TJP2: variants seen among roughly 807,000 people sequenced by gnomAD.
TJP2 encodes the protein tight junction protein 2.
Under a neutral mutation model 133.1 loss-of-function variants are expected in TJP2, and 91 were observed. That is an observed-to-expected ratio of 0.68 (90% CI 0.58 to 0.81). TJP2 has a LOEUF of 0.81. TJP2 is among the 40% of genes least tolerant of loss of function. The pLI, the probability that TJP2 is intolerant of heterozygous loss-of-function variation, is 0.00. For missense variants in TJP2, 1,541 were observed against 1,565.6 expected (o/e 0.98, Z 0.26); for synonymous variants, 592 against 583.4 (o/e 1.01, Z -0.21).
In TJP2 at chr9:69,239,821, TAAAC is replaced by T. The variant is rs56355642; in HGVS notation, c.2356-101_2356-98del. ...AGAGCAAGAATCTATCCCAAATAAGTAAACAAACAAACAAACAAGATATATCTCA... is the reference window on the plus strand; with the variant it reads ...AGAGCAAGAATCTATCCCAAATAAGTAAACAAACAAACAAGATATATCTCA... On this transcript the variant is annotated intron_variant, in intron 16 of 22. Transcript: ENST00000377245. The T allele has an allele frequency of 0.63, 585,855 of 929,210 alleles. 187,209 individuals are homozygous for T. Among genetic ancestry groups the T allele is most frequent in the Admixed American group, 0.72 (35,550 of 49,448 alleles). 57.6% of individuals were successfully genotyped at this position (929,210 alleles called of 1,614,324 possible). A position where few individuals can be genotyped will look rare whatever the true frequency, so the allele number is the denominator to read the frequency against.
Position 69,236,039 on chromosome 9 carries a change from A to C in TJP2, c.1792A>C (p.Ile598Leu). The change falls in exon 13 of 23, where the codon ATC becomes CTC. Residue 598 changes from isoleucine to leucine, a missense_variant. Ile to Leu is a conservative substitution (Grantham distance 5). Coordinates refer to ENST00000377245, the MANE Select transcript of TJP2 (RefSeq NM_004817.4). ...AQSRADVYRD[I>L]LACGRGDSFF... ...CTTTTGTCTTTCAGTGTATAGAGAC[A>C]TCCTGGCTTGTGGCAGAGGGGATTC... is the stretch of plus-strand genomic sequence containing the variant. 6.2e-7 allele frequency: 1 copy of C among 1,614,190 alleles called. No homozygotes were observed.
chr9:69,216,096 T>C lies in TJP2; in HGVS notation c.115-243T>C, dbSNP rs182032700. ...GGCCAGCTTCTAGTGATAACTCCAG[T>C]CTGCACTATCAATCTTTTCCAGCCT... is the stretch of plus-strand genomic sequence containing the variant. On this transcript the variant is annotated intron_variant, in intron 2 of 22. Transcript: ENST00000377245. Among the ~76,000 whole-genome samples, 972 of 152,310 alleles carry C rather than the reference T, an allele frequency of 6.4e-3. 9 individuals carry two copies. Among genetic ancestry groups the C allele is most frequent in the Non-Finnish European group, 9.9e-3 (672 of 68,026 alleles).
chr9:69,187,964 A>C (rs749397750), intron 1 of TJP2, among the ~76,000 whole-genome samples: 2 of 152,178 alleles, frequency 1.3e-5, no homozygotes, highest in Non-Finnish European at 2.9e-5. Context: ...GGAAATATGG[A>C]GATCTTCTGA....
upstream of TJP2, among the ~76,000 whole-genome samples, chr9:69,170,692 T>C (rs999317439): frequency 6.6e-6 from 1 of 152,210 alleles, no homozygotes; most frequent in East Asian, 1.9e-4. Flanking sequence ...GTTGTTGGCC[T>C]CTCCCTCTTT....
intron 1 of TJP2, among the ~76,000 whole-genome samples, chr9:69,194,597 T>C (rs1408023018): frequency 1.3e-5 from 2 of 152,224 alleles, no homozygotes; most frequent in African/African-American, 4.8e-5. Context: ...ATGTGGCTAG[T>C]GGTTACTGTG....
Position 69,125,055 on chromosome 9 carries a change from C to T in TJP2, c.-131+3330C>T, listed in dbSNP as rs1217428178. 3.9e-5 allele frequency among the ~76,000 whole-genome samples: 3 copies of T among 76,038 alleles called. 1 individual carries two copies. The highest frequency in any genetic ancestry group is 8.1e-5 in the African/African-American group (2 of 24,694). The allele number at this position is 76,038 out of a possible 152,430, so 49.9% of individuals were successfully genotyped here. On this transcript the variant is annotated intron_variant, in intron 1 of 5. Transcript: ENST00000423935. ...GCAACCTCTGCTTCCCAGGTTCAAGCGATTTTCGTGCCTCAGCCTCCCAAG... is the reference window on the plus strand; with the variant it reads ...GCAACCTCTGCTTCCCAGGTTCAAGTGATTTTCGTGCCTCAGCCTCCCAAG...
intron 2 of TJP2, among the ~76,000 whole-genome samples, chr9:69,168,443 A>G (rs1265049328): frequency 6.6e-6 from 1 of 152,140 alleles, no homozygotes; most frequent in African/African-American, 2.4e-5. Flanking sequence ...GAAGTGTACA[A>G]GTTAATTACC....
At chr9:69,172,221 A>T (rs186191779), upstream of TJP2, among the ~76,000 whole-genome samples, 10 of 152,360 alleles carry the variant, frequency 6.6e-5, no homozygotes, top group Admixed American at 5.9e-4. Flanking sequence ...CCACCAGCAA[A>T]AAAGCTAATA....
upstream of TJP2, among the ~76,000 whole-genome samples, chr9:69,169,503 C>T (rs1220757744): frequency 1.3e-5 from 2 of 152,070 alleles, no homozygotes; most frequent in East Asian, 1.9e-4. Flanking sequence ...GGACTACAGG[C>T]GCCTGCTACC....
In TJP2 at chr9:69,223,132, G is replaced by A. The variant is rs1009275610; in HGVS notation, c.952+1636G>A. 3.9e-4 allele frequency among the ~76,000 whole-genome samples: 57 copies of A among 145,824 alleles called. 1 individual carries two copies. Among genetic ancestry groups the A allele is most frequent in the African/African-American group, 1.3e-3 (53 of 39,488 alleles). On this transcript the variant is annotated intron_variant, in intron 5 of 22. Transcript: ENST00000377245. Reference sequence around the variant, plus strand: ...GCCCTCAGAGTCTCTATGTTAATAAGCTCTCCTAGTGGCCTTGCTGCATCT... The same window carrying A: ...GCCCTCAGAGTCTCTATGTTAATAAACTCTCCTAGTGGCCTTGCTGCATCT...
intron 1 of TJP2, among the ~76,000 whole-genome samples, chr9:69,203,414 G>A (rs1415816084): frequency 6.6e-6 from 1 of 151,878 alleles, no homozygotes; most frequent in Non-Finnish European, 1.5e-5. Context: ...TGATTCTCCT[G>A]CCTCAGTCTC....
chr9:69,151,636 C>T, intron 1 of TJP2: 1 of 1,232,118 alleles, frequency 8.1e-7, no homozygotes, highest in Non-Finnish European at 1.0e-6. Context: ...TTTTTAACAA[C>T]ACTGTCTTTT....
intron 5 of TJP2, among the ~76,000 whole-genome samples, chr9:69,222,264 C>G (rs896917597): frequency 4.0e-5 from 6 of 151,728 alleles, no homozygotes; most frequent in Admixed American, 3.9e-4. Context: ...GCAACCTCTG[C>G]CTCCTGGGTT....
At chr9:69,244,262 CCAAT>C (rs1830775642) in intron 17 of TJP2, among the ~76,000 whole-genome samples, 1 of 151,192 alleles carries the variant, frequency 6.6e-6, no homozygotes, top group Non-Finnish European at 1.5e-5. Flanking sequence ...GTCATCACAA[CCAAT>C]CAATCTTAGA....
intron 1 of TJP2, among the ~76,000 whole-genome samples, chr9:69,205,803 G>C (rs912591320): frequency 2.0e-5 from 3 of 152,066 alleles, no homozygotes; most frequent in Non-Finnish European, 2.9e-5. Context: ...TCCATCACTG[G>C]GCAGCAGCAG....
chr9:69,163,322 C>T (rs1824185941), intron 2 of TJP2, among the ~76,000 whole-genome samples: 2 of 43,474 alleles, frequency 4.6e-5, no homozygotes, highest in Non-Finnish European at 9.0e-5. Context: ...CCACCGCGCC[C>T]GGCCTCAGTA....
intron 2 of TJP2, among the ~76,000 whole-genome samples, chr9:69,162,451 C>A (rs939570402): frequency 4.6e-5 from 7 of 152,124 alleles, no homozygotes; most frequent in Admixed American, 4.6e-4. Flanking sequence ...GTGAGTCTTA[C>A]AAGCTACTTA....
chr9:69,226,091 A>G lies in TJP2; in HGVS notation c.1126A>G (p.Lys376Glu). Residue 376 changes from lysine to glutamate, a missense_variant, in exon 7 of 23, where the codon AAA (lysine) becomes GAA (glutamate). Coordinates refer to ENST00000377245, the MANE Select transcript of TJP2 (RefSeq NM_004817.4). ...ARKLIEKSRG[K>E]LQLVVLRDSQ... ...AAAATTGATAGAAAAGTCAAGAGGA[A>G]AACTACAGCTAGTGGTGTTGAGAGA... is the stretch of plus-strand genomic sequence containing the variant. 6.2e-7 allele frequency: 1 copy of G among 1,614,196 alleles called. No homozygotes were observed. The highest frequency in any genetic ancestry group is 1.1e-5 in the South Asian group (1 of 91,082).
chr9:69,132,791 T>C (rs1347655530), intron 1 of TJP2, among the ~76,000 whole-genome samples: 1 of 152,102 alleles, frequency 6.6e-6, no homozygotes, highest in East Asian at 1.9e-4. Context: ...CCAAAGGCCC[T>C]AGGGTACCTA....
Sources: allele counts gnomAD v4.1 joint callset (sites outside exome capture counted in the v4.1 genomes callset), GRCh38; gene constraint gnomAD v4.1.1; transcripts MANE v1.5; gene names NCBI Gene and HGNC (gene_info 2026-07-23, HGNC 2026-07-21).